The following TMIGD3 variants were observed in gnomAD, a reference collection of about 807,000 sequenced individuals.
The protein encoded by TMIGD3 is AD026 protein (AD026).
Under a neutral mutation model 28.1 loss-of-function variants are expected in TMIGD3, and 21 were observed. That is an observed-to-expected ratio of 0.75 (90% CI 0.53 to 1.08). The LOEUF (loss-of-function observed/expected upper bound fraction) is 1.08, where lower values mean the gene tolerates loss of function less well. Ranked by LOEUF, TMIGD3 falls within the 50% of genes least tolerant of loss-of-function variation. The pLI is 0.00. For synonymous variants in TMIGD3, 151 were observed against 162.1 expected (o/e 0.93, Z 0.52); for missense variants, 416 against 435.6 (o/e 0.96, Z 0.40).
At chr1:111,511,901 G>A (rs529427041) in intron 1 of TMIGD3, among the ~76,000 whole-genome samples, 1 of 152,276 alleles carries the variant, frequency 6.6e-6, no homozygotes, top group Admixed American at 6.5e-5. Context: ...CACTGATCTT[G>A]CCCCAAATCA....
intron 1 of TMIGD3, among the ~76,000 whole-genome samples, chr1:111,519,281 T>C (rs1655974098): frequency 6.6e-6 from 1 of 152,210 alleles, no homozygotes; most frequent in Non-Finnish European, 1.5e-5. Context: ...CTGTGTCCCC[T>C]GAGTGTGCTA....
intron 1 of TMIGD3, 74 bp from the exon 2 acceptor site, chr1:111,490,836 A>C: frequency 9.4e-7 from 1 of 1,064,524 alleles, no homozygotes; most frequent in South Asian, 1.3e-5. Flanking sequence ...TGAAAAGGGA[A>C]ACAACCAGTT....
At chr1:111,518,634 G>T (rs924820493) in intron 1 of TMIGD3, among the ~76,000 whole-genome samples, 1 of 152,226 alleles carries the variant, frequency 6.6e-6, no homozygotes. Context: ...GCAGGCAGCA[G>T]AGATAGAATC....
At chr1:111,545,435 C>A (rs1181053396) in intron 1 of TMIGD3, among the ~76,000 whole-genome samples, 2 of 152,070 alleles carry the variant, frequency 1.3e-5, no homozygotes, top group Admixed American at 6.6e-5. Context: ...GCAGAAATAT[C>A]TGTTCGAGTC....
At chr1:111,486,505 T>C in intron 4 of TMIGD3, 81 bp downstream of exon 4, 1 of 1,048,096 alleles carries the variant, frequency 9.5e-7, no homozygotes, top group Non-Finnish European at 1.5e-6. Flanking sequence ...AAATCAACTG[T>C]CATATCATAC....
At chr1:111,500,524 C>T (rs1366555268) in intron 1 of TMIGD3, 12 of 1,614,046 alleles carry the variant, frequency 7.4e-6, no homozygotes, top group Non-Finnish European at 1.0e-5. Context: ...CAGGGCCAGC[C>T]ATATTCTTCT....
chr1:111,516,597 A>C (rs1655877031), intron 1 of TMIGD3, among the ~76,000 whole-genome samples: 1 of 151,864 alleles, frequency 6.6e-6, no homozygotes, highest in African/African-American at 2.4e-5. Flanking sequence ...AATGACACCA[A>C]CTCCTCCTCA....
chr1:111,500,707 C>A, intron 1 of TMIGD3: 2 of 713,124 alleles, frequency 2.8e-6, no homozygotes, highest in South Asian at 1.9e-5. Context: ...GCATTGATAT[C>A]CTATGGTGAT....
At chr1:111,499,698 A>G in intron 1 of TMIGD3, 2 of 1,284,034 alleles carry the variant, frequency 1.6e-6, no homozygotes, top group Non-Finnish European at 2.0e-6. Flanking sequence ...ACAGACAATA[A>G]TATCAATAAT....
chr1:111,562,350 G>A (rs536674134), intron 1 of TMIGD3, among the ~76,000 whole-genome samples: 37 of 152,086 alleles, frequency 2.4e-4, no homozygotes, highest in African/African-American at 8.4e-4. Context: ...CCTTATCTTT[G>A]ACCCCTAGAA....
chr1:111,493,936 A>G (rs755240426), intron 1 of TMIGD3, among the ~76,000 whole-genome samples: 1 of 152,226 alleles, frequency 6.6e-6, no homozygotes, highest in Non-Finnish European at 1.5e-5. Flanking sequence ...TCTTATTCCC[A>G]TCATACTCAG....
chr1:111,518,635 A>T (rs1557832826), intron 1 of TMIGD3, among the ~76,000 whole-genome samples: 1 of 152,242 alleles, frequency 6.6e-6, no homozygotes. Flanking sequence ...CAGGCAGCAG[A>T]GATAGAATCT....
chr1:111,540,053 A>C (rs572974094), intron 1 of TMIGD3, among the ~76,000 whole-genome samples: 8 of 152,256 alleles, frequency 5.3e-5, no homozygotes, highest in Non-Finnish European at 1.2e-4. Flanking sequence ...TTAATAATTT[A>C]ATTAGAAATT....
chr1:111,507,577 A>T (rs1382320253), upstream of TMIGD3, among the ~76,000 whole-genome samples: 1 of 152,210 alleles, frequency 6.6e-6, no homozygotes, highest in Admixed American at 6.5e-5. Context: ...CTACAAAAAC[A>T]GCAAGATGCA....
At chr1:111,517,927 T>C (rs369516152) in intron 1 of TMIGD3, among the ~76,000 whole-genome samples, 1 of 152,194 alleles carries the variant, frequency 6.6e-6, no homozygotes, top group East Asian at 1.9e-4. Context: ...ACAGCAAATA[T>C]TAGTTGAGTA....
At chr1:111,529,380 T>TTTC (rs1656373796) in intron 1 of TMIGD3, among the ~76,000 whole-genome samples, 2 of 151,480 alleles carry the variant, frequency 1.3e-5, no homozygotes, top group Non-Finnish European at 2.9e-5. Context: ...TTCTTTCTTT[T>TTTC]TTTTTTAATT....
At chr1:111,547,085 T>C (rs1395141975) in intron 1 of TMIGD3, among the ~76,000 whole-genome samples, 1 of 152,204 alleles carries the variant, frequency 6.6e-6, no homozygotes, top group Non-Finnish European at 1.5e-5. Context: ...TGCTAATATA[T>C]AGAAATACAA....
intron 1 of TMIGD3, among the ~76,000 whole-genome samples, chr1:111,549,309 C>CA (rs1368264534): frequency 8.0e-6 from 1 of 125,612 alleles, no homozygotes; most frequent in African/African-American, 2.9e-5. Context: ...CAGTCATGGG[C>CA]TTTTTTTTTT....
chr1:111,489,471 T>C, intron 2 of TMIGD3: 1 of 785,762 alleles, frequency 1.3e-6, no homozygotes, highest in Non-Finnish European at 1.6e-6. Flanking sequence ...ACTTACCACC[T>C]TCATAACATA....
Sources: gnomAD v4.1 joint callset for allele counts (sites outside exome capture counted in the v4.1 genomes callset) on GRCh38, gnomAD v4.1.1 for gene constraint, MANE v1.5 for transcripts, NCBI Gene and HGNC (gene_info 2026-07-23, HGNC 2026-07-21) for gene names.